Variants in TIMM50 observed in about 807,000 individuals in gnomAD.
TIMM50 encodes the protein mitochondrial import inner membrane translocase subunit TIM50.
Under a neutral mutation model 49.6 loss-of-function variants are expected in TIMM50, and 34 were observed. The ratio of observed to expected loss-of-function variants is 0.69; its 90% CI spans 0.52 to 0.91. TIMM50 has a LOEUF of 0.91. Among genes scored for constraint, TIMM50 ranks in the 40% least tolerant of loss-of-function variants. The pLI is 0.00. For missense variants in TIMM50, 458 were observed against 477.8 expected, an observed-to-expected ratio of 0.96 and a Z score of 0.39; for synonymous variants, 199 against 198.4, an observed-to-expected ratio of 1.00 and a Z score of -0.03.
chr19:39,488,679 C>T, intron 10 of TIMM50, 34 bp downstream of exon 10: 3 of 1,570,192 alleles, frequency 1.9e-6, no homozygotes, highest in Non-Finnish European at 2.6e-6. Flanking sequence ...GGAGGATCGG[C>T]TCTGAGGCTC....
chr19:39,487,872 G>A (rs1057381978), intron 8 of TIMM50, 189 bp from the exon 9 acceptor site: 7 of 759,244 alleles, frequency 9.2e-6, no homozygotes, highest in East Asian at 6.3e-5. Flanking sequence ...GATTACAGGC[G>A]TGAGCCACCA....
Position 39,480,846 on chromosome 19 carries a change from A to G in TIMM50, c.-8A>G. The G allele has an allele frequency of 1.3e-6, 2 of 1,595,282 alleles. No individual in the cohort carries two copies. Among genetic ancestry groups the G allele is most frequent in the Non-Finnish European group, 1.7e-6 (2 of 1,171,742 alleles). On this transcript the variant is annotated 5_prime_UTR_variant, in exon 1 of 11. Coordinates refer to ENST00000607714, the MANE Select transcript of TIMM50 (RefSeq NM_001001563.5). ...CGAGTGGGCGGGGCCGCGTGGCGTC[A>G]GCGCAAGATGGCGGCCTCGGCAGCG... is the stretch of plus-strand genomic sequence containing the variant.
At chr19:39,488,363 T>G in intron 9 of TIMM50, 146 bp downstream of exon 9, 3 of 1,159,196 alleles carry the variant, frequency 2.6e-6, no homozygotes, top group Non-Finnish European at 3.7e-6. Context: ...CTTAGGATGT[T>G]CATGGAATGT....
rs375884282 is a variant in TIMM50 at position 39,489,739 on chromosome 19, C to T, written c.981C>T (p.Ala327=). 17 of 1,609,412 alleles carry T rather than the reference C, an allele frequency of 1.1e-5. No homozygotes were observed. Among genetic ancestry groups the T allele is most frequent in the African/African-American group, 1.3e-5 (1 of 74,870 alleles). Residue 327 remains alanine (A), a synonymous_variant, in exon 11 of 11, where the codon GCC becomes GCT. Coordinates refer to ENST00000607714, the MANE Select transcript of TIMM50 (RefSeq NM_001001563.5). ...RLEQEEQQRL[A]ELSKSNKQNL... ...CCCAGGAGGAGCAGCAGCGCCTGGC[C>T]GAGCTCTCCAAGTCCAACAAGCAGA...
Position 39,489,825 on chromosome 19 carries a change from T to C in TIMM50, c.*5T>C. The C allele has an allele frequency of 6.3e-7, 1 of 1,599,448 alleles. No homozygotes were observed. Among genetic ancestry groups the C allele is most frequent in the Non-Finnish European group, 8.5e-7 (1 of 1,173,106 alleles). On this transcript the variant is annotated 3_prime_UTR_variant, in exon 11 of 11. Transcript: ENST00000607714. ...CCTCGCTCCAAACAGCCCTGAACTC[T>C]GGGCCTCCTCAAACTCAGTGCCTGG...
In TIMM50 at chr19:39,488,605, C is replaced by G. The variant is rs751967415; in HGVS notation, c.920C>G (p.Pro307Arg). 4 of 1,613,514 alleles carry G rather than the reference C, an allele frequency of 2.5e-6. No homozygotes were observed. The highest frequency in any genetic ancestry group is 3.4e-6 in the Non-Finnish European group (4 of 1,180,036). The stretch of plus-strand genomic sequence containing the variant: ...GAGCACTATGCCCTGGAGGATGACC[C>G]GCTGGCGGCTTTCAAACAGCGGCAA... ...VLEHYALEDD[P>R]LAAFKQRQSR... The change falls in exon 10 of 11, where the codon CCG becomes CGG. Residue 307 changes from proline to arginine, a missense_variant. Coordinates refer to ENST00000607714, the MANE Select transcript of TIMM50 (RefSeq NM_001001563.5).
intron 2 of TIMM50, 77 bp from the exon 3 acceptor site, chr19:39,482,802 TCCAGGC>T: frequency 6.3e-7 from 1 of 1,581,592 alleles, no homozygotes; most frequent in Non-Finnish European, 8.7e-7. Context: ...GATCCAGGAG[TCCAGGC>T]CCCTTATCCC....
Position 39,486,012 on chromosome 19 carries a change from G to A in TIMM50, c.493-175G>A, listed in dbSNP as rs567273144. 28 of 1,090,080 alleles carry A rather than the reference G, an allele frequency of 2.6e-5. No homozygotes were observed. In the East Asian group the frequency reaches 6.1e-4, roughly 24 times the overall value. The allele number at this position is 1,090,080 out of a possible 1,614,324, so 67.5% of individuals were successfully genotyped here. A position where few individuals can be genotyped will look rare whatever the true frequency, so the allele number is the denominator to read the frequency against. On this transcript the variant is annotated intron_variant, in intron 6 of 10. Coordinates refer to ENST00000607714, the MANE Select transcript of TIMM50 (RefSeq NM_001001563.5). Reference sequence around the variant, plus strand: ...AGGTGTGCCCAGGCACGCTATAAGTGCCACAAAGGAGCCAGACCCGCAGTC... The same window carrying A: ...AGGTGTGCCCAGGCACGCTATAAGTACCACAAAGGAGCCAGACCCGCAGTC...
intron 8 of TIMM50, among the ~76,000 whole-genome samples, chr19:39,487,739 G>A (rs1383137860): frequency 2.6e-5 from 4 of 152,152 alleles, no homozygotes; most frequent in East Asian, 1.9e-4. Flanking sequence ...GAGTACGGTC[G>A]TGAGCCACCG....
intron 1 of TIMM50, 81 bp downstream of exon 1, chr19:39,481,042 C>A: frequency 6.9e-7 from 1 of 1,440,226 alleles, no homozygotes; most frequent in Non-Finnish European, 9.1e-7. Flanking sequence ...TTGGGGGTTC[C>A]GGGACGCCTC....
intron 9 of TIMM50, 132 bp downstream of exon 9, chr19:39,488,349 G>T: frequency 8.3e-7 from 1 of 1,200,752 alleles, no homozygotes; most frequent in Non-Finnish European, 1.2e-6. Context: ...GTCTTTAGGA[G>T]CTTCTTAGGA....
In TIMM50 at chr19:39,485,711, T is replaced by C; in HGVS notation, c.396T>C (p.Pro132=). ...YRQMIIEPTS[P]CLLPDPLQEP... is the part of the protein sequence containing the mutation. The stretch of plus-strand genomic sequence containing the variant: ...AGATGATCATCGAGCCCACCAGCCC[T>C]TGCCTTCTCCCAGACCCTCTGCAGG... Residue 132 remains proline, a synonymous_variant, in exon 6 of 11, where the codon CCT becomes CCC. Transcript: ENST00000607714. 6.2e-7 allele frequency: 1 copy of C among 1,614,138 alleles called. No homozygotes were observed. The highest frequency in any genetic ancestry group is 8.5e-7 in the Non-Finnish European group (1 of 1,180,024).
In TIMM50 at chr19:39,486,191, C is replaced by T. The variant is rs1303417992; in HGVS notation, c.497C>T (p.Ala166Val). 6.2e-7 allele frequency: 1 copy of T among 1,614,130 alleles called. No homozygotes were observed. The highest frequency in any genetic ancestry group is 2.2e-5 in the East Asian group (1 of 44,882). ...CTGTCCTCACTGTCTTCCCAGCTGGCCACTGGCTGGAGGTTTAAGAAGCGC... is the reference window on the plus strand; with the variant it reads ...CTGTCCTCACTGTCTTCCCAGCTGGTCACTGGCTGGAGGTTTAAGAAGCGC... ...GVLLHPEWSLATGWRFKKRPG... is the reference protein window; with the variant it reads ...GVLLHPEWSLVTGWRFKKRPG... Residue 166 changes from alanine to valine, a missense_variant, in exon 7 of 11, where the codon GCC becomes GTC. Transcript: ENST00000607714.
rs1568444870 is a variant in TIMM50 at position 39,491,850 on chromosome 19, A to AAC, written c.*2031_*2032dup. The AAC allele has an allele frequency of 2.1e-5, 3 of 144,716 alleles. No individual in the cohort carries two copies. Among genetic ancestry groups the AAC allele is most frequent in the Non-Finnish European group, 1.5e-5 (1 of 66,630 alleles). The allele number at this position is 144,716 out of a possible 1,614,324, so 9.0% of individuals were successfully genotyped here. ...TCAAAAAAAAAAAAAAAAAAAAAAA[A>AAC]ACCTTAAGATTTTTTTTTGGAGTCA... On this transcript the variant is annotated 3_prime_UTR_variant, in exon 11 of 11. Transcript: ENST00000607714.
At chr19:39,483,890 G>C (rs1482203272) in intron 4 of TIMM50, among the ~76,000 whole-genome samples, 2 of 151,946 alleles carry the variant, frequency 1.3e-5, no homozygotes, top group Admixed American at 6.6e-5. Context: ...GTCTTGCTCT[G>C]TTGCCTAGGC....
chr19:39,489,255 G>A lies in TIMM50; in HGVS notation c.961-464G>A, dbSNP rs73037238. ...GTCATGGGGCTCAGAGGGCCCAGGG[G>A]CAGGATGATGCAGTCTGGTGAGGAG... On this transcript the variant is annotated intron_variant, in intron 10 of 10. Coordinates refer to ENST00000607714, the MANE Select transcript of TIMM50 (RefSeq NM_001001563.5). Among the ~76,000 whole-genome samples, 367 of 152,126 alleles carry A rather than the reference G, an allele frequency of 2.4e-3. 2 individuals are homozygous for A. Among genetic ancestry groups the A allele is most frequent in the Non-Finnish European group, 4.3e-3 (290 of 67,966 alleles).
At chr19:39,485,507 T>C (rs1255682609) in intron 4 of TIMM50, 37 bp from the exon 5 acceptor site, 2 of 1,613,952 alleles carry the variant, frequency 1.2e-6, no homozygotes, top group South Asian at 1.1e-5. Flanking sequence ...GAACAGCGGC[T>C]TATTGTGGAA....
intron 2 of TIMM50, 33 bp downstream of exon 2, chr19:39,482,066 T>G (rs766436422): frequency 3.1e-6 from 5 of 1,602,134 alleles, no homozygotes; most frequent in Non-Finnish European, 4.3e-6. Flanking sequence ...CCAGTTTTGT[T>G]CCTTGGCCTC....
chr19:39,487,057 C>T lies in TIMM50; in HGVS notation c.696+562C>T, dbSNP rs544101014. 5.9e-5 allele frequency among the ~76,000 whole-genome samples: 9 copies of T among 152,232 alleles called. No individual in the cohort carries two copies. The South Asian group carries it at 1.9e-3, about 32-fold the overall frequency. ...GAAGGGTCTGTGTCTGGGTGCCTGT[C>T]TGTGTGGTTCCCTGGGTGTGGCTGC... On this transcript the variant is annotated intron_variant, in intron 8 of 10. Transcript: ENST00000607714.
Sources: allele counts gnomAD v4.1 joint callset (sites outside exome capture counted in the v4.1 genomes callset), GRCh38; gene constraint gnomAD v4.1.1; transcripts MANE v1.5; gene names NCBI Gene and HGNC (gene_info 2026-07-23, HGNC 2026-07-21).